Variants in DOCK4 observed in about 807,000 individuals in gnomAD.
The protein encoded by DOCK4 is dedicator of cytokinesis 4.
Under a neutral mutation model 268.1 loss-of-function variants are expected in DOCK4, and 97 were observed. The ratio of observed to expected loss-of-function variants is 0.36; its 90% confidence interval spans 0.31 to 0.43. The LOEUF (loss-of-function observed/expected upper bound fraction) is 0.43, where lower values mean the gene tolerates loss of function less well. Among genes scored for constraint, DOCK4 ranks in the 20% least tolerant of loss-of-function variants. The probability of loss-of-function intolerance (pLI) is 1.00; values close to 1 mark genes in which losing one functional copy is unlikely to be tolerated. For missense variants in DOCK4, 2,145 were observed against 2,455.7 expected, an observed-to-expected ratio of 0.87 and a Z score of 2.67; for synonymous variants, 954 against 887.2, an observed-to-expected ratio of 1.08 and a Z score of -1.34.
chr7:112,105,663 G>T (rs554794707), intron 1 of DOCK4, among the ~76,000 whole-genome samples: 10 of 133,610 alleles, frequency 7.5e-5, no homozygotes, highest in African/African-American at 1.7e-4. Context: ...CTCCTTCCTC[G>T]TCATTCCACT....
intron 31 of DOCK4, chr7:111,789,327 AACATTTAT>A (rs1799378924): frequency 6.5e-6 from 1 of 153,368 alleles, no homozygotes; most frequent in South Asian, 2.0e-4. Context: ...CTGTAGTCAA[AACATTTAT>A]ATTTTCCAGG....
Position 111,728,380 on chromosome 7 carries a change from G to C in DOCK4, c.5822C>G (p.Pro1941Arg). The change falls in exon 53 of 53, where the codon CCC becomes CGC. Residue 1941 changes from proline (P) to arginine (R), a missense_variant. By Grantham distance (103) the Pro-to-Arg change is moderately radical. This residue lies in a region of DOCK4 where 547 missense variants were observed against 469.0 expected (regional missense o/e 1.17). Coordinates refer to ENST00000428084, the MANE Select transcript of DOCK4 (RefSeq NM_001363540.2). ...GGATCGCGCTGCCAGAGGCTTGGGG[G>C]GCAGCGCGGGCGGCTCCGACGTGAC... ...IPVTSEPPALPPKPLAARSSH... is the reference protein window; with the variant it reads ...IPVTSEPPALRPKPLAARSSH... 6.5e-7 allele frequency: 1 copy of C among 1,543,680 alleles called. No homozygotes were observed. The highest frequency in any genetic ancestry group is 8.7e-7 in the Non-Finnish European group (1 of 1,145,204).
At chr7:111,758,996 G>A (rs1028633627) in intron 40 of DOCK4, among the ~76,000 whole-genome samples, 1 of 152,032 alleles carries the variant, frequency 6.6e-6, no homozygotes, top group African/African-American at 2.4e-5. Context: ...ACTAGTTCTA[G>A]GTAGGTGAAG....
At position 112,047,328 on chromosome 7, in the gene DOCK4, A is replaced by G. The variant is rs1804912961; in HGVS notation, c.38-43197T>C. Among the ~76,000 whole-genome samples the G allele has an allele frequency of 2.0e-5, 3 of 152,244 alleles. No individual in the cohort carries two copies. In the South Asian group the frequency reaches 6.2e-4, roughly 32 times the overall value. ...CTAAACTGGTAAAATCCACAGATAC[A>G]CAATAAAAATTCTACAAAAGTGCAA... is the stretch of plus-strand genomic sequence containing the variant. On this transcript the variant is annotated intron_variant, in intron 1 of 52. Transcript: ENST00000428084.
chr7:111,796,678 A>T (rs1799918220), intron 30 of DOCK4, among the ~76,000 whole-genome samples: 1 of 152,244 alleles, frequency 6.6e-6, no homozygotes, highest in South Asian at 2.1e-4. Flanking sequence ...GTGCTTTAGC[A>T]TGGGCCATAA....
intron 7 of DOCK4, among the ~76,000 whole-genome samples, chr7:111,982,383 G>C (rs6966952): frequency 0.25 from 37,661 of 151,978 alleles, 5,307 homozygotes; most frequent in African/African-American, 0.39. Flanking sequence ...CCAAATCTAA[G>C]CCTAATATGA....
intron 20 of DOCK4, among the ~76,000 whole-genome samples, chr7:111,871,307 C>T (rs922719455): frequency 1.3e-5 from 2 of 152,094 alleles, no homozygotes; most frequent in African/African-American, 2.4e-5. Flanking sequence ...AGTTATTTGT[C>T]GAACTAAAAG....
chr7:111,765,319 T>C, intron 38 of DOCK4, 97 bp from the exon 39 acceptor site: 1 of 766,234 alleles, frequency 1.3e-6, no homozygotes, highest in African/African-American at 1.9e-5. Context: ...AGGAGAACTT[T>C]ATTTTAATTG....
intron 17 of DOCK4, among the ~76,000 whole-genome samples, chr7:111,874,297 T>A (rs1468577555): frequency 6.6e-6 from 1 of 152,078 alleles, no homozygotes; most frequent in Non-Finnish European, 1.5e-5. Flanking sequence ...AGGACCCTGC[T>A]CAATGTGAGG....
rs117757462 is a variant in DOCK4 at position 111,883,177 on chromosome 7, C to T, written c.1588-5991G>A. 3.2e-3 allele frequency among the ~76,000 whole-genome samples: 480 copies of T among 152,276 alleles called. 2 individuals carry two copies. Among genetic ancestry groups the T allele is most frequent in the Non-Finnish European group, 5.2e-3 (353 of 68,024 alleles). ...ATAAAGTGAATACTTCAAATGCTTT[C>T]TTCAGGAAAAGTGTTTAGGCAAAGT... On this transcript the variant is annotated intron_variant, in intron 16 of 52. Transcript: ENST00000428084.
chr7:111,983,853 C>CAT (rs1562961077), intron 7 of DOCK4, among the ~76,000 whole-genome samples: 4 of 97,448 alleles, frequency 4.1e-5, no homozygotes, highest in African/African-American at 1.6e-4. Context: ...CACGCGCGCG[C>CAT]GCGCGCGCGC....
At position 112,119,552 on chromosome 7, in the gene DOCK4, T is replaced by TGCCAAATCCACATGTGGCACA. The variant is rs1200214459; in HGVS notation, c.37+86549_37+86550insTGTGCCACATGTGGATTTGGC. Among the ~76,000 whole-genome samples the TGCCAAATCCACATGTGGCACA allele has an allele frequency of 1.8e-4, 27 of 152,142 alleles. 1 individual carries two copies. The highest frequency in any genetic ancestry group is 5.1e-4 in the African/African-American group (21 of 41,428). On this transcript the variant is annotated intron_variant, in intron 1 of 52. Transcript: ENST00000428084. ...GAAATATAGGTTCTGTGGCAACATG[T>TGCCAAATCCACATGTGGCACA]GTGCCAAATCCAAGCAACTGTGCCC... is the stretch of plus-strand genomic sequence containing the variant.
chr7:112,018,568 T>C (rs976176482), intron 1 of DOCK4, among the ~76,000 whole-genome samples: 5 of 152,224 alleles, frequency 3.3e-5, no homozygotes, highest in Non-Finnish European at 5.9e-5. Flanking sequence ...TTCTTCTCAC[T>C]GTAAATTTCA....
At chr7:111,803,558 G>A (rs1263685615) in intron 30 of DOCK4, among the ~76,000 whole-genome samples, 1 of 152,116 alleles carries the variant, frequency 6.6e-6, no homozygotes, top group East Asian at 1.9e-4. Context: ...GTTTGCAAAT[G>A]TGGAACAAAG....
At chr7:111,869,683 T>C (rs1018475310) in intron 20 of DOCK4, 28 bp from the exon 21 acceptor site, 1 of 1,601,056 alleles carries the variant, frequency 6.2e-7, no homozygotes, top group Non-Finnish European at 8.6e-7. Context: ...ATGTGCAGAA[T>C]GTAAAATTGG....
chr7:111,755,388 A>G (rs1278597403), intron 42 of DOCK4, 127 bp downstream of exon 42: 2 of 835,462 alleles, frequency 2.4e-6, no homozygotes, highest in Non-Finnish European at 3.9e-6. Context: ...AAGACCATAA[A>G]CATTCACTAT....
intron 8 of DOCK4, among the ~76,000 whole-genome samples, chr7:111,955,365 T>C (rs1464856759): frequency 2.0e-5 from 3 of 152,204 alleles, no homozygotes; most frequent in Non-Finnish European, 4.4e-5. Context: ...CTTTTAAAAA[T>C]ATTAATGCTC....
intron 1 of DOCK4, among the ~76,000 whole-genome samples, chr7:112,020,751 G>A (rs972810429): frequency 7.3e-5 from 11 of 151,672 alleles, no homozygotes; most frequent in African/African-American, 2.7e-4. Context: ...GCTTTTCAGG[G>A]AGCAAGAATA....
At chr7:111,867,217 G>T (rs1806045339) in intron 22 of DOCK4, among the ~76,000 whole-genome samples, 1 of 152,086 alleles carries the variant, frequency 6.6e-6, no homozygotes, top group Non-Finnish European at 1.5e-5. Context: ...TACTGTTAAG[G>T]ATCTAATTTT....
Sources: gnomAD v4.1 joint callset for allele counts (sites outside exome capture counted in the v4.1 genomes callset) on GRCh38, gnomAD v4.1.1 for gene constraint, gnomAD v4.1.1 regional missense constraint, MANE v1.5 for transcripts, NCBI Gene and HGNC (gene_info 2026-07-23, HGNC 2026-07-21) for gene names.